AP3B1: variants seen among roughly 807,000 people sequenced by gnomAD.
AP3B1 encodes adaptor related protein complex 3 subunit beta 1.
Under a neutral mutation model 132.5 loss-of-function variants are expected in AP3B1, and 61 were observed. The observed-to-expected ratio is 0.46, with a 90% CI of 0.37 to 0.57. The LOEUF (loss-of-function observed/expected upper bound fraction) is 0.57, where lower values mean the gene tolerates loss of function less well. AP3B1 is among the 20% of genes least tolerant of loss of function. AP3B1 has a pLI of 0.00. For missense variants in AP3B1, 1,120 were observed against 1,289.4 expected, an observed-to-expected ratio of 0.87 and a Z score of 2.01; for synonymous variants, 388 against 438.3, an observed-to-expected ratio of 0.89 and a Z score of 1.43.
At chr5:78,088,366 G>C (rs1484374343) in intron 22 of AP3B1, among the ~76,000 whole-genome samples, 1 of 152,118 alleles carries the variant, frequency 6.6e-6, no homozygotes, top group Non-Finnish European at 1.5e-5. Context: ...CTATGCTTAA[G>C]GAGAACATTG....
At chr5:78,238,964 A>G (rs1295289453) in intron 3 of AP3B1, among the ~76,000 whole-genome samples, 2 of 150,626 alleles carry the variant, frequency 1.3e-5, no homozygotes, top group Non-Finnish European at 2.9e-5. Context: ...CTGAAAGCAA[A>G]TGAATAAAAA....
chr5:78,183,341 A>C (rs964070269), intron 7 of AP3B1, among the ~76,000 whole-genome samples: 3 of 152,202 alleles, frequency 2.0e-5, no homozygotes, highest in African/African-American at 7.2e-5. Flanking sequence ...GTTTAAAAAT[A>C]TCCAGTCTCA....
intron 19 of AP3B1, among the ~76,000 whole-genome samples, chr5:78,113,036 G>T (rs771524168): frequency 5.9e-5 from 9 of 152,174 alleles, no homozygotes; most frequent in Admixed American, 3.3e-4. Context: ...TTTAATTACT[G>T]TCTGTAATAA....
At chr5:78,245,642 T>C (rs137859330) in intron 2 of AP3B1, among the ~76,000 whole-genome samples, 2 of 152,266 alleles carry the variant, frequency 1.3e-5, no homozygotes, top group African/African-American at 4.8e-5. Context: ...AAGCGGGCAG[T>C]CCTTCTCAGT....
chr5:78,269,268 T>C lies in AP3B1; in HGVS notation c.129-1673A>G, dbSNP rs187415042. Among the ~76,000 whole-genome samples the C allele has an allele frequency of 7.4e-3, 1,126 of 152,336 alleles. 7 individuals are homozygous for C. Among genetic ancestry groups the C allele is most frequent in the Non-Finnish European group, 0.012 (810 of 68,008 alleles). On this transcript the variant is annotated intron_variant, in intron 1 of 26. Transcript: ENST00000255194. ...CTGTGTCTTCATTTACCTAGTTACC[T>C]GTAGCTTTCTAGCTTTGAGTATTAG...
chr5:78,069,079 A>T (rs1389098026), intron 22 of AP3B1, among the ~76,000 whole-genome samples: 1 of 152,236 alleles, frequency 6.6e-6, no homozygotes, highest in Non-Finnish European at 1.5e-5. Context: ...AAAACTCTCA[A>T]TAAACTAGGT....
At chr5:78,003,469 G>A (rs1746266136) in intron 26 of AP3B1, 1 of 799,174 alleles carries the variant, frequency 1.3e-6, no homozygotes, top group African/African-American at 1.9e-5. Context: ...CTTTCTCAAA[G>A]AGCTTCAAAA....
chr5:78,156,065 G>C (rs1244363088), intron 14 of AP3B1, among the ~76,000 whole-genome samples, 193 bp downstream of exon 14: 1 of 152,024 alleles, frequency 6.6e-6, no homozygotes, highest in Non-Finnish European at 1.5e-5. Flanking sequence ...CTAATACCAC[G>C]AGGCTCATTC....
chr5:78,239,472 G>GAAA (rs1302357220), intron 3 of AP3B1, among the ~76,000 whole-genome samples: 3 of 39,494 alleles, frequency 7.6e-5, no homozygotes, highest in East Asian at 7.8e-4. Context: ...CCCTGTCTCA[G>GAAA]AAAAAAAAAA....
intron 20 of AP3B1, among the ~76,000 whole-genome samples, chr5:78,108,383 A>G (rs1751432153): frequency 6.6e-6 from 1 of 152,170 alleles, no homozygotes; most frequent in Non-Finnish European, 1.5e-5. Context: ...TGCATGGTAT[A>G]CACCAAATCA....
rs574583991 is a variant in AP3B1, at chr5:78,259,495, T to G, written c.204+8025A>C. On this transcript the variant is annotated intron_variant, in intron 2 of 26. Coordinates refer to ENST00000255194, the MANE Select transcript of AP3B1 (RefSeq NM_003664.5). ...ACCACAATCAACAATAATGTAATTGTACATTTTAAAATAACTTAAAGAGTG... is the reference window on the plus strand; with the variant it reads ...ACCACAATCAACAATAATGTAATTGGACATTTTAAAATAACTTAAAGAGTG... 2.6e-5 allele frequency among the ~76,000 whole-genome samples: 4 copies of G among 152,306 alleles called. No individual in the cohort carries two copies. The East Asian group carries it at 7.7e-4, about 29-fold the overall frequency.
intron 6 of AP3B1, among the ~76,000 whole-genome samples, chr5:78,222,757 C>T (rs1388378399): frequency 1.3e-5 from 2 of 151,712 alleles, no homozygotes; most frequent in African/African-American, 2.4e-5. Context: ...ACCAACACAA[C>T]GAGTTCAAAG....
chr5:78,148,481 T>C (rs2112341058), intron 14 of AP3B1, among the ~76,000 whole-genome samples: 1 of 152,322 alleles, frequency 6.6e-6, no homozygotes, highest in Middle Eastern at 3.4e-3. Context: ...ACTACCATAA[T>C]AATTTCACTT....
chr5:78,181,548 T>C lies in AP3B1; in HGVS notation c.901A>G (p.Ile301Val), dbSNP rs769823855. ...TGAAGCAAAGGCTTTGTATTTCTAA[T>C]TAAGAGTCTATGATCTGGATCCATA... is the stretch of plus-strand genomic sequence containing the variant. ...YTMDPDHRLL[I>V]RNTKPLLQSR... The change falls in exon 8 of 27, where the codon ATT becomes GTT. Residue 301 changes from isoleucine to valine, a missense_variant. By Grantham distance (29) the Ile-to-Val change is conservative. This residue lies in a region of AP3B1 where 906 missense variants were observed against 997.1 expected (regional missense o/e 0.91). Coordinates refer to ENST00000255194, the MANE Select transcript of AP3B1 (RefSeq NM_003664.5). 1 of 1,613,254 alleles carries C rather than the reference T, an allele frequency of 6.2e-7. No homozygotes were observed. Among genetic ancestry groups the C allele is most frequent in the Non-Finnish European group, 8.5e-7 (1 of 1,179,566 alleles).
chr5:78,155,803 T>G (rs1008467454), intron 14 of AP3B1, among the ~76,000 whole-genome samples: 2 of 152,022 alleles, frequency 1.3e-5, no homozygotes, highest in Non-Finnish European at 1.5e-5. Flanking sequence ...GCACAACTTA[T>G]AAGTGATCAA....
In AP3B1 at chr5:78,002,832, G is replaced by T; in HGVS notation, c.*70C>A. The T allele has an allele frequency of 1.9e-6, 3 of 1,556,292 alleles. No homozygotes were observed. In the South Asian group the frequency reaches 3.3e-5, roughly 17 times the overall value. On this transcript the variant is annotated 3_prime_UTR_variant, in exon 27 of 27. Transcript: ENST00000255194. ...AGATGGAAGGGCTATTATTATAAAT[G>T]AAAGGCAGCAGTAGTGGATGCCAGG...
chr5:78,091,207 T>A (rs1750494289), intron 21 of AP3B1, among the ~76,000 whole-genome samples: 1 of 140,708 alleles, frequency 7.1e-6, no homozygotes. Context: ...AGGTAGCAAG[T>A]GAGAGACAAA....
intron 20 of AP3B1, among the ~76,000 whole-genome samples, chr5:78,105,995 T>C (rs1751316235): frequency 1.3e-5 from 2 of 152,328 alleles, no homozygotes; most frequent in African/African-American, 4.8e-5. Flanking sequence ...TTTCATTCCC[T>C]GCAGCCATTC....
intron 15 of AP3B1, among the ~76,000 whole-genome samples, chr5:78,139,631 G>T (rs1753060229): frequency 6.6e-6 from 1 of 152,174 alleles, no homozygotes; most frequent in Non-Finnish European, 1.5e-5. Context: ...GATTAGGGAT[G>T]AAGATAATCC....
Sources: gnomAD v4.1 joint callset for allele counts (sites outside exome capture counted in the v4.1 genomes callset) on GRCh38, gnomAD v4.1.1 for gene constraint, gnomAD v4.1.1 regional missense constraint, MANE v1.5 for transcripts, NCBI Gene and HGNC (gene_info 2026-07-23, HGNC 2026-07-21) for gene names.